NRG3: variants seen among roughly 807,000 people sequenced by gnomAD.
The protein encoded by NRG3 is pro-neuregulin-3, membrane-bound isoform.
In NRG3, 31 loss-of-function variants were observed where a neutral mutation model predicts 66.9. That is an observed-to-expected ratio of 0.46 (90% CI 0.35 to 0.63). The LOEUF is 0.63. Among genes scored for constraint, NRG3 ranks in the 20% least tolerant of loss-of-function variants. NRG3 has a pLI of 0.00. For synonymous variants in NRG3, 393 were observed against 359.4 expected, an observed-to-expected ratio of 1.09 and a Z score of -1.06; for missense variants, 910 against 878.9, an observed-to-expected ratio of 1.04 and a Z score of -0.45.
intron 4 of NRG3, among the ~76,000 whole-genome samples, chr10:82,881,670 C>A (rs1214123268): frequency 6.6e-6 from 1 of 152,156 alleles, no homozygotes; most frequent in Non-Finnish European, 1.5e-5. Flanking sequence ...CTCCTATATG[C>A]TGTGAGACAT....
intron 2 of NRG3, among the ~76,000 whole-genome samples, chr10:82,650,381 C>T (rs2051316995): frequency 6.6e-6 from 1 of 152,126 alleles, no homozygotes; most frequent in South Asian, 2.1e-4. Flanking sequence ...TGTTTTGGTA[C>T]TTAATATGCT....
At chr10:82,761,295 A>C (rs1392119895) in intron 3 of NRG3, among the ~76,000 whole-genome samples, 1 of 152,048 alleles carries the variant, frequency 6.6e-6, no homozygotes, top group African/African-American at 2.4e-5. Flanking sequence ...ATTAATTATA[A>C]CCTCACTATA....
rs540512507 is a variant in NRG3 at position 82,233,388 on chromosome 10, A to G, written c.824-125351A>G. Among the ~76,000 whole-genome samples the G allele has an allele frequency of 9.9e-5, 15 of 152,260 alleles. No individual in the cohort carries two copies. In the South Asian group the frequency reaches 2.9e-3, roughly 29 times the overall value. On this transcript the variant is annotated intron_variant, in intron 1 of 8. Transcript: ENST00000372141. ...TCAAAAACAAAACAAAACAAAACAA[A>G]AAAAGAATTGGCTAGCCTCAAGCAA...
In NRG3 at chr10:82,588,780, C is replaced by T. The variant is rs370592369; in HGVS notation, c.954-149797C>T. Among the ~76,000 whole-genome samples, 16 of 152,232 alleles carry T rather than the reference C, an allele frequency of 1.1e-4. 1 individual carries two copies. The highest frequency in any genetic ancestry group is 9.7e-4 in the East Asian group (5 of 5,156). On this transcript the variant is annotated intron_variant, in intron 2 of 8. Coordinates refer to ENST00000372141, the MANE Select transcript of NRG3 (RefSeq NM_001010848.4). The stretch of plus-strand genomic sequence containing the variant: ...CCTCCCAAAGTGTTGGGATTACAGG[C>T]GTGAGCCACCGCACCCAGCCTAAAC...
At chr10:82,295,337 G>A (rs922126550) in intron 1 of NRG3, among the ~76,000 whole-genome samples, 3 of 152,172 alleles carry the variant, frequency 2.0e-5, no homozygotes, top group Admixed American at 2.0e-4. Flanking sequence ...GGTTGCCAGC[G>A]ATAAGCTTCA....
chr10:82,242,620 A>G (rs995920057), intron 1 of NRG3, among the ~76,000 whole-genome samples: 9 of 152,186 alleles, frequency 5.9e-5, no homozygotes, highest in Admixed American at 4.6e-4. Flanking sequence ...AGAGGTTTGC[A>G]TATTCAAAAT....
chr10:82,140,904 T>C (rs1314788541), intron 1 of NRG3, among the ~76,000 whole-genome samples: 1 of 152,146 alleles, frequency 6.6e-6, no homozygotes, highest in Non-Finnish European at 1.5e-5. Context: ...GTGTTAGCCT[T>C]ACCTAGCTTG....
intron 3 of NRG3, among the ~76,000 whole-genome samples, chr10:82,776,430 A>G (rs11195904): frequency 0.043 from 6,498 of 152,226 alleles, 217 homozygotes; most frequent in Non-Finnish European, 0.065. Context: ...ATATGCTTGA[A>G]GACTTTTGAG....
chr10:82,365,242 C>T (rs894664926), intron 2 of NRG3, among the ~76,000 whole-genome samples: 2 of 152,160 alleles, frequency 1.3e-5, no homozygotes, highest in African/African-American at 4.8e-5. Flanking sequence ...AGTTTTGGCA[C>T]ACATCCCTGA....
chr10:82,976,593 TC>T (rs1006991034), intron 7 of NRG3, among the ~76,000 whole-genome samples: 5 of 152,156 alleles, frequency 3.3e-5, no homozygotes, highest in African/African-American at 9.7e-5. Context: ...GCTGATATCT[TC>T]CTTTTGTCAC....
At chr10:82,433,765 G>A (rs928931121) in intron 2 of NRG3, among the ~76,000 whole-genome samples, 1 of 152,130 alleles carries the variant, frequency 6.6e-6, no homozygotes, top group African/African-American at 2.4e-5. Context: ...TTGTAGATGT[G>A]TGATGTTATT....
intron 1 of NRG3, among the ~76,000 whole-genome samples, chr10:82,029,888 A>G (rs2062482996): frequency 1.3e-5 from 2 of 152,120 alleles, no homozygotes; most frequent in South Asian, 2.1e-4. Context: ...AACTTTTACC[A>G]TCTCAAGAGG....
chr10:81,919,415 G>T (rs1846037978), intron 1 of NRG3, among the ~76,000 whole-genome samples: 1 of 152,090 alleles, frequency 6.6e-6, no homozygotes, highest in African/African-American at 2.4e-5. Context: ...TACTTATTTT[G>T]AAGTTGTGTC....
chr10:82,137,625 A>C lies in NRG3; in HGVS notation c.824-221114A>C, dbSNP rs952290632. On this transcript the variant is annotated intron_variant, in intron 1 of 8. Coordinates refer to ENST00000372141, the MANE Select transcript of NRG3 (RefSeq NM_001010848.4). The stretch of plus-strand genomic sequence containing the variant: ...CCATAGAACTAATTGATTCAAGAAA[A>C]CGGCATTTAGTGAAATTGAAATATC... Among the ~76,000 whole-genome samples, 3 of 152,208 alleles carry C rather than the reference A, an allele frequency of 2.0e-5. No homozygotes were observed. In the East Asian group the frequency reaches 5.8e-4, roughly 29 times the overall value.
At chr10:82,556,968 ATC>A (rs1380461707) in intron 2 of NRG3, among the ~76,000 whole-genome samples, 4 of 152,074 alleles carry the variant, frequency 2.6e-5, no homozygotes. Context: ...AAAACACATG[ATC>A]TCTTTCTTTT....
At chr10:82,730,597 A>G (rs1189638760) in intron 2 of NRG3, among the ~76,000 whole-genome samples, 3 of 152,288 alleles carry the variant, frequency 2.0e-5, no homozygotes, top group African/African-American at 7.2e-5. Context: ...AGTTAAGAGG[A>G]TTTTGTAAAG....
chr10:82,280,660 C>T lies in NRG3; in HGVS notation c.824-78079C>T, dbSNP rs1011739974. On this transcript the variant is annotated intron_variant, in intron 1 of 8. Coordinates refer to ENST00000372141, the MANE Select transcript of NRG3 (RefSeq NM_001010848.4). ...TGGACACTCTCCTTGACCTTTTCTC[C>T]GCAAGGTCTGTCATCTCCATTTAGA... Among the ~76,000 whole-genome samples, 11 of 152,250 alleles carry T rather than the reference C, an allele frequency of 7.2e-5. No individual in the cohort carries two copies. The South Asian group carries it at 8.3e-4, about 11-fold the overall frequency.
intron 1 of NRG3, among the ~76,000 whole-genome samples, chr10:81,947,485 G>T (rs1197373737): frequency 6.6e-6 from 1 of 152,116 alleles, no homozygotes; most frequent in African/African-American, 2.4e-5. Context: ...GGCTGTTCTG[G>T]TTGCAAATAG....
At chr10:82,545,806 G>A (rs1241920427) in intron 2 of NRG3, among the ~76,000 whole-genome samples, 1 of 32,548 alleles carries the variant, frequency 3.1e-5, no homozygotes, top group Non-Finnish European at 7.3e-5. Flanking sequence ...TTTTTTTTTT[G>A]AGATGGAGTC....
Sources: gnomAD v4.1 joint callset for allele counts (sites outside exome capture counted in the v4.1 genomes callset) on GRCh38, gnomAD v4.1.1 for gene constraint, MANE v1.5 for transcripts, NCBI Gene and HGNC (gene_info 2026-07-23, HGNC 2026-07-21) for gene names.